PCDH9: variants seen among roughly 807,000 people sequenced by gnomAD.
The protein encoded by PCDH9 is protocadherin 9, also known as protocadherin-9.
PCDH9 carries 24 observed loss-of-function variants against 70.6 expected under a neutral mutation model. That is an observed-to-expected ratio of 0.34 (90% confidence interval 0.25 to 0.48). The LOEUF (loss-of-function observed/expected upper bound fraction) is 0.48, where lower values mean the gene tolerates loss of function less well. Among genes scored for constraint, PCDH9 ranks in the 20% least tolerant of loss-of-function variants. PCDH9 has a pLI of 0.99. For missense variants in PCDH9, 1,281 were observed against 1,503.6 expected (o/e 0.85, Z 2.45); for synonymous variants, 562 against 558.5 (o/e 1.01, Z -0.09).
At chr13:66,886,491 T>C (rs1349146985) in intron 3 of PCDH9, among the ~76,000 whole-genome samples, 1 of 152,084 alleles carries the variant, frequency 6.6e-6, no homozygotes, top group African/African-American at 2.4e-5. Context: ...ACTGAGGAGT[T>C]TGTGTTAGCC....
chr13:66,864,801 T>G lies in PCDH9; in HGVS notation c.3138+38703A>C, dbSNP rs187201382. Among the ~76,000 whole-genome samples, 208 of 152,330 alleles carry G rather than the reference T, an allele frequency of 1.4e-3. 1 individual carries two copies. The highest frequency in any genetic ancestry group is 7.9e-4 in the Non-Finnish European group (54 of 68,026). On this transcript the variant is annotated intron_variant, in intron 3 of 4. Coordinates refer to ENST00000377865, the MANE Select transcript of PCDH9 (RefSeq NM_203487.3). ...AATCAGATCTGAGGGTGTTTTATTT[T>G]GTGCATCGTTTTAAAAATGCAAATA...
chr13:66,557,270 G>A (rs1961777127), intron 4 of PCDH9, among the ~76,000 whole-genome samples: 1 of 152,136 alleles, frequency 6.6e-6, no homozygotes, highest in Non-Finnish European at 1.5e-5. Context: ...TGGTAATTAT[G>A]TATCAGTTAG....
chr13:66,359,035 C>T (rs12864905), intron 4 of PCDH9, among the ~76,000 whole-genome samples: 69,762 of 151,700 alleles, frequency 0.46, 16,993 homozygotes, highest in East Asian at 0.62. Flanking sequence ...TATTGGGCTT[C>T]GTTTTGGCTT....
At chr13:66,633,686 A>G (rs1336736505) in intron 3 of PCDH9, among the ~76,000 whole-genome samples, 1 of 152,200 alleles carries the variant, frequency 6.6e-6, no homozygotes, top group African/African-American at 2.4e-5. Context: ...TCTTAAGAGA[A>G]AAGCAATGAA....
intron 3 of PCDH9, among the ~76,000 whole-genome samples, chr13:66,723,152 A>AT (rs1370284256): frequency 6.6e-6 from 1 of 152,022 alleles, no homozygotes; most frequent in East Asian, 1.9e-4. Flanking sequence ...GCAATCAAAC[A>AT]TTTTCTAATT....
intron 4 of PCDH9, among the ~76,000 whole-genome samples, chr13:66,321,063 C>T (rs1458029117): frequency 6.6e-6 from 1 of 151,946 alleles, no homozygotes; most frequent in African/African-American, 2.4e-5. Context: ...TCAGGCAGAG[C>T]TTAAGACATA....
intron 2 of PCDH9, among the ~76,000 whole-genome samples, chr13:67,147,499 AG>A (rs1189110826): frequency 4.6e-5 from 7 of 152,180 alleles, no homozygotes; most frequent in African/African-American, 1.4e-4. Flanking sequence ...GGCAGCCTGC[AG>A]TGTCCCTGGA....
intron 4 of PCDH9, among the ~76,000 whole-genome samples, chr13:66,612,335 C>T (rs2077302761): frequency 6.6e-6 from 1 of 152,108 alleles, no homozygotes; most frequent in South Asian, 2.1e-4. Context: ...CAGTGAAAGA[C>T]CAAACAATAA....
At chr13:67,067,828 AC>A (rs1391264714) in intron 2 of PCDH9, among the ~76,000 whole-genome samples, 2 of 151,844 alleles carry the variant, frequency 1.3e-5, no homozygotes, top group South Asian at 2.1e-4. Flanking sequence ...AAGATTGAAA[AC>A]TAGTTTGGTA....
intron 4 of PCDH9, among the ~76,000 whole-genome samples, chr13:66,518,570 G>A (rs528039419): frequency 6.6e-6 from 1 of 152,242 alleles, no homozygotes; most frequent in African/African-American, 2.4e-5. Flanking sequence ...AGGTAGGGCT[G>A]ATAAGCAAGG....
At chr13:67,043,214 A>G (rs1375292680) in intron 2 of PCDH9, among the ~76,000 whole-genome samples, 1 of 150,676 alleles carries the variant, frequency 6.6e-6, no homozygotes, top group African/African-American at 2.5e-5. Flanking sequence ...TTTATTTTAG[A>G]AAGTTCCTGT....
At chr13:66,779,365 A>G (rs999972020) in intron 3 of PCDH9, among the ~76,000 whole-genome samples, 1 of 152,218 alleles carries the variant, frequency 6.6e-6, no homozygotes, top group African/African-American at 2.4e-5. Flanking sequence ...ACATAAAATA[A>G]TCTGTGGGAC....
intron 2 of PCDH9, among the ~76,000 whole-genome samples, chr13:67,081,941 C>A (rs2085992415): frequency 6.6e-6 from 1 of 152,030 alleles, no homozygotes; most frequent in Non-Finnish European, 1.5e-5. Flanking sequence ...GCCTGATTGG[C>A]ATAAGAAAGC....
chr13:67,107,110 G>A (rs2086561511), intron 2 of PCDH9, among the ~76,000 whole-genome samples: 1 of 152,150 alleles, frequency 6.6e-6, no homozygotes, highest in African/African-American at 2.4e-5. Context: ...GCCCATGTCA[G>A]CCTGAAGCAT....
intron 3 of PCDH9, among the ~76,000 whole-genome samples, chr13:66,898,956 G>T (rs566058460): frequency 6.6e-6 from 1 of 151,910 alleles, no homozygotes; most frequent in Non-Finnish European, 1.5e-5. Context: ...AGGGAAATTA[G>T]ACTTACCTTG....
intron 4 of PCDH9, among the ~76,000 whole-genome samples, chr13:66,529,167 G>T (rs1239903016): frequency 6.6e-6 from 1 of 151,986 alleles, no homozygotes; most frequent in Admixed American, 6.6e-5. Context: ...GCACATAAAG[G>T]CCTCTGGGAA....
chr13:66,626,602 C>A (rs1408235753), intron 4 of PCDH9, among the ~76,000 whole-genome samples: 2 of 151,898 alleles, frequency 1.3e-5, no homozygotes, highest in African/African-American at 4.8e-5. Context: ...AAAAAAGAAC[C>A]GAAGTTTCTG....
intron 4 of PCDH9, among the ~76,000 whole-genome samples, chr13:66,394,236 G>A (rs1032849090): frequency 2.6e-5 from 4 of 152,122 alleles, no homozygotes; most frequent in Non-Finnish European, 5.9e-5. Context: ...ATGGCATTCA[G>A]TGAAACAGGT....
At chr13:66,697,347 T>C (rs2078577821) in intron 3 of PCDH9, among the ~76,000 whole-genome samples, 1 of 152,018 alleles carries the variant, frequency 6.6e-6, no homozygotes, top group South Asian at 2.1e-4. Context: ...ATCAAAATTG[T>C]AGAGTAGAAC....
Sources: allele counts gnomAD v4.1 joint callset (sites outside exome capture counted in the v4.1 genomes callset), GRCh38; gene constraint gnomAD v4.1.1; transcripts MANE v1.5; gene names NCBI Gene and HGNC (gene_info 2026-07-23, HGNC 2026-07-21).